Variants in NELFA observed in about 807,000 individuals in gnomAD.
NELFA encodes the protein negative elongation factor complex member A, also known as negative elongation factor A.
NELFA carries 35 observed loss-of-function variants against 51.8 expected under a neutral mutation model. The ratio of observed to expected loss-of-function variants is 0.68; its 90% confidence interval spans 0.52 to 0.90. NELFA has a LOEUF of 0.90. Among genes scored for constraint, NELFA ranks in the 40% least tolerant of loss-of-function variants. The pLI, the probability that NELFA is intolerant of heterozygous loss-of-function variation, is 0.00. For missense variants in NELFA, 658 were observed against 746.4 expected, an observed-to-expected ratio of 0.88 and a Z score of 1.38; for synonymous variants, 417 against 338.4, an observed-to-expected ratio of 1.23 and a Z score of -2.55.
At chr4:1,993,242 G>A (rs773327280) in intron 1 of NELFA, among the ~76,000 whole-genome samples, 8 of 152,206 alleles carry the variant, frequency 5.3e-5, no homozygotes, top group Non-Finnish European at 1.0e-4. Context: ...TCTCCAGAAC[G>A]CGCATGTTGA....
chr4:1,984,977 A>G, intron 7 of NELFA, 58 bp from the exon 8 acceptor site: 1 of 1,295,436 alleles, frequency 7.7e-7, no homozygotes, highest in Non-Finnish European at 1.1e-6. Context: ...GCATGTGCTA[A>G]CACATGGCCC....
Position 2,004,342 on chromosome 4 carries a change from C to G in NELFA, c.210+4408G>C, listed in dbSNP as rs78271828. Among the ~76,000 whole-genome samples, 904 of 152,002 alleles carry G rather than the reference C, an allele frequency of 5.9e-3. 11 individuals carry two copies. Among genetic ancestry groups the G allele is most frequent in the African/African-American group, 0.021 (850 of 41,438 alleles). ...GGGGAGGAAGAGGACTGGGCAAATG[C>G]TAATGAGTGTAGGATTTATTTGGGG... On this transcript the variant is annotated intron_variant, in intron 1 of 10. Transcript: ENST00000382882.
At chr4:2,001,298 G>A (rs1340718505) in intron 1 of NELFA, among the ~76,000 whole-genome samples, 4 of 152,152 alleles carry the variant, frequency 2.6e-5, no homozygotes, top group Non-Finnish European at 5.9e-5. Flanking sequence ...TCTGGCCAGG[G>A]CAATTAGGCA....
rs755217548 is a variant in NELFA, at chr4:1,989,908, C to A, written c.383-39G>T. 1 of 1,596,560 alleles carries A rather than the reference C, an allele frequency of 6.3e-7. No individual in the cohort carries two copies. The highest frequency in any genetic ancestry group is 1.1e-5 in the South Asian group (1 of 88,610). On this transcript the variant is annotated intron_variant, in intron 2 of 10. Coordinates refer to ENST00000382882, the MANE Select transcript of NELFA (RefSeq NM_005663.5). The surrounding 1 kb of genome is among the most constrained non-coding windows in gnomAD (Gnocchi z 4.8). The stretch of plus-strand genomic sequence containing the variant: ...CCACATGAAGTTAGGGGCGCCCAGG[C>A]CGCAGACCTCCCGGCTGAGAGGAGC...
At position 1,998,291 on chromosome 4, in the gene NELFA, T is replaced by C. The variant is rs534782847; in HGVS notation, c.211-6576A>G. On this transcript the variant is annotated intron_variant, in intron 1 of 10. Coordinates refer to ENST00000382882, the MANE Select transcript of NELFA (RefSeq NM_005663.5). Reference sequence around the variant, plus strand: ...AAAGGGCGCAGAACTAGACGGAGGATTGGATGGACGAGCTGACAGAAGTAG... The same window carrying C: ...AAAGGGCGCAGAACTAGACGGAGGACTGGATGGACGAGCTGACAGAAGTAG... 7.2e-5 allele frequency among the ~76,000 whole-genome samples: 11 copies of C among 151,832 alleles called. No homozygotes were observed. The East Asian group carries it at 1.7e-3, about 24-fold the overall frequency.
intron 1 of NELFA, among the ~76,000 whole-genome samples, chr4:1,992,789 G>A (rs1043821108): frequency 1.3e-5 from 2 of 152,186 alleles, no homozygotes; most frequent in African/African-American, 4.8e-5. Context: ...TGGCTCGAAG[G>A]GCAGAGATCA....
In NELFA at chr4:1,983,702, C is replaced by G. The variant is rs367797499; in HGVS notation, c.1303-7G>C. 1.2e-6 allele frequency: 2 copies of G among 1,613,082 alleles called. No homozygotes were observed. The highest frequency in any genetic ancestry group is 1.7e-6 in the Non-Finnish European group (2 of 1,179,306). On this transcript the variant is annotated splice_polypyrimidine_tract_variant and splice_region_variant and intron_variant, in intron 9 of 10. Transcript: ENST00000382882. ...CAGCGAACATCTGCTCTCTCTACAG[C>G]GGGGAGAGGGGTGTGGGTGCCAGGG...
At chr4:1,984,760 T>G (rs1328243077) in intron 8 of NELFA, 48 bp downstream of exon 8, 1 of 1,406,968 alleles carries the variant, frequency 7.1e-7, no homozygotes, top group African/African-American at 1.4e-5. Flanking sequence ...CAAGGTCATG[T>G]CCTGGCAGGC....
At chr4:1,983,549 CCCCAA>C (rs753346035) in intron 10 of NELFA, 42 bp downstream of exon 10, 2 of 1,612,264 alleles carry the variant, frequency 1.2e-6, no homozygotes, top group Non-Finnish European at 8.5e-7. Context: ...GGGCACCCGC[CCCCAA>C]CCCGGCCCGG....
At chr4:1,987,142 G>A (rs1201687906) in intron 4 of NELFA, among the ~76,000 whole-genome samples, 1 of 152,212 alleles carries the variant, frequency 6.6e-6, no homozygotes, top group Non-Finnish European at 1.5e-5. Flanking sequence ...TAGGTCCCAT[G>A]TGAACACTGT....
intron 1 of NELFA, among the ~76,000 whole-genome samples, chr4:1,994,081 A>G (rs1306080203): frequency 6.6e-6 from 1 of 152,150 alleles, no homozygotes; most frequent in African/African-American, 2.4e-5. Context: ...TCCCTGGTAT[A>G]AAGAACTGCT....
intron 1 of NELFA, among the ~76,000 whole-genome samples, chr4:1,995,487 A>G (rs1728397215): frequency 6.6e-6 from 1 of 152,206 alleles, no homozygotes; most frequent in Non-Finnish European, 1.5e-5. Context: ...TGTCTTATAA[A>G]CCTTTTTTTA....
intron 1 of NELFA, among the ~76,000 whole-genome samples, chr4:1,994,537 C>A (rs1280115958): frequency 2.0e-5 from 3 of 151,468 alleles, no homozygotes; most frequent in African/African-American, 7.3e-5. Flanking sequence ...TGTACTCCAG[C>A]CTGGGCAACA....
Position 1,986,254 on chromosome 4 carries a change from G to A in NELFA, c.765+18C>T. On this transcript the variant is annotated intron_variant, in intron 5 of 10. Transcript: ENST00000382882. ...CAACGGGCCCCGGGGTGCCACAGGA[G>A]CTGGGGGACGGGCCTACCTTCACAC... is the stretch of plus-strand genomic sequence containing the variant. 2 of 1,572,320 alleles carry A rather than the reference G, an allele frequency of 1.3e-6. No homozygotes were observed. The highest frequency in any genetic ancestry group is 1.7e-6 in the Non-Finnish European group (2 of 1,158,684).
At chr4:1,983,775 C>A (rs532637173) in intron 9 of NELFA, 73 bp downstream of exon 9, 5 of 1,596,266 alleles carry the variant, frequency 3.1e-6, no homozygotes, top group Non-Finnish European at 4.3e-6. Flanking sequence ...CCGTGGCACC[C>A]CCACGCTAGG....
intron 1 of NELFA, chr4:2,007,134 G>A (rs1313564522): frequency 6.9e-6 from 3 of 435,568 alleles, no homozygotes; most frequent in Non-Finnish European, 9.3e-6. Flanking sequence ...CTGAGGTGAG[G>A]AGGTCAAGGC....
intron 3 of NELFA, among the ~76,000 whole-genome samples, chr4:1,988,747 A>G (rs1014104471): frequency 1.3e-5 from 2 of 152,194 alleles, no homozygotes; most frequent in Admixed American, 6.5e-5. Context: ...GAAAACGTTA[A>G]CTGAAATGAT....
intron 7 of NELFA, 130 bp downstream of exon 7, chr4:1,985,646 C>T: frequency 1.4e-6 from 1 of 690,242 alleles, no homozygotes; most frequent in East Asian, 2.7e-5. Flanking sequence ...CGTATATATA[C>T]ATAAATACAG....
intron 3 of NELFA, among the ~76,000 whole-genome samples, chr4:1,988,946 G>GGTT (rs766373857): frequency 1.5e-5 from 2 of 136,680 alleles, no homozygotes. Flanking sequence ...AAGTTGGTGG[G>GGTT]TTTTTTTTTT....
Sources: allele counts gnomAD v4.1 joint callset (sites outside exome capture counted in the v4.1 genomes callset), GRCh38; gene constraint gnomAD v4.1.1; non-coding constraint Gnocchi (gnomAD v3.1); transcripts MANE v1.5; gene names NCBI Gene and HGNC (gene_info 2026-07-23, HGNC 2026-07-21).